Variants in MAP3K7CL observed in about 807,000 individuals in gnomAD.
MAP3K7CL encodes the protein MAP3K7 C-terminal like, also known as MAP3K7 C-terminal-like protein.
In MAP3K7CL, 16 loss-of-function variants were observed where a neutral mutation model predicts 18.6. The observed-to-expected ratio is 0.86, with a 90% CI of 0.58 to 1.31. MAP3K7CL has a LOEUF of 1.31. Among genes scored for constraint, MAP3K7CL ranks in the 50% most tolerant of loss-of-function variants. The probability of loss-of-function intolerance (pLI) is 0.00; values close to 1 mark genes in which losing one functional copy is unlikely to be tolerated. For synonymous variants in MAP3K7CL, 65 were observed against 66.8 expected (o/e 0.97, Z 0.13); for missense variants, 163 against 174.4 (o/e 0.93, Z 0.37).
chr21:29,091,019 T>C (rs1224862356), intron 1 of MAP3K7CL, among the ~76,000 whole-genome samples: 1 of 152,240 alleles, frequency 6.6e-6, no homozygotes, highest in Non-Finnish European at 1.5e-5. Flanking sequence ...TTTTATTGAA[T>C]ATTTTACTTT....
intron 3 of MAP3K7CL, among the ~76,000 whole-genome samples, chr21:29,151,522 C>T (rs575212294): frequency 6.6e-6 from 1 of 152,254 alleles, no homozygotes; most frequent in East Asian, 1.9e-4. Flanking sequence ...TTCTTTTGCA[C>T]CAACCTAATA....
At position 29,174,973 on chromosome 21, in the gene MAP3K7CL, G is replaced by A; in HGVS notation, c.*81G>A. 1 of 1,350,780 alleles carries A rather than the reference G, an allele frequency of 7.4e-7. No homozygotes were observed. The highest frequency in any genetic ancestry group is 1.0e-6 in the Non-Finnish European group (1 of 991,116). The allele number at this position is 1,350,780 out of a possible 1,614,324, so 83.7% of individuals were successfully genotyped here. Reference sequence around the variant, plus strand: ...AAGATTTTTATTTTAAATGAATAGTGAGTCAGATCTATTGCTTCTCTGTAT... The same window carrying A: ...AAGATTTTTATTTTAAATGAATAGTAAGTCAGATCTATTGCTTCTCTGTAT... On this transcript the variant is annotated 3_prime_UTR_variant, in exon 5 of 5. Transcript: ENST00000399928.
intron 3 of MAP3K7CL, among the ~76,000 whole-genome samples, chr21:29,157,005 G>T (rs73193803): frequency 6.6e-6 from 1 of 152,166 alleles, no homozygotes; most frequent in Non-Finnish European, 1.5e-5. Context: ...GCAAAAGATT[G>T]AGTACAAATG....
chr21:29,095,437 A>T (rs1403959273), intron 4 of MAP3K7CL, among the ~76,000 whole-genome samples: 1 of 152,142 alleles, frequency 6.6e-6, no homozygotes, highest in Non-Finnish European at 1.5e-5. Context: ...CCAGGGGGAT[A>T]AGGGGAATGT....
chr21:29,163,290 A>G (rs1457803502), intron 4 of MAP3K7CL, among the ~76,000 whole-genome samples: 2 of 152,096 alleles, frequency 1.3e-5, no homozygotes, highest in South Asian at 2.1e-4. Flanking sequence ...TCCTTCCCCA[A>G]AGTACTTGAA....
intron 4 of MAP3K7CL, among the ~76,000 whole-genome samples, chr21:29,100,661 T>TTA (rs1304266826): frequency 6.6e-6 from 1 of 151,956 alleles, no homozygotes; most frequent in Non-Finnish European, 1.5e-5. Context: ...TATTACGGTG[T>TTA]TACAGATAAC....
chr21:29,125,714 T>G (rs1481786250), upstream of MAP3K7CL, among the ~76,000 whole-genome samples: 3 of 152,176 alleles, frequency 2.0e-5, no homozygotes, highest in Non-Finnish European at 4.4e-5. Context: ...CGAGAAGGTT[T>G]GAGAAGGAGT....
chr21:29,142,576 G>A (rs1218082821), intron 2 of MAP3K7CL, among the ~76,000 whole-genome samples: 3 of 152,124 alleles, frequency 2.0e-5, no homozygotes, highest in African/African-American at 7.2e-5. Flanking sequence ...ATAGACATGG[G>A]TTAGAGGAAA....
At chr21:29,086,820 G>C (rs539246317) in intron 1 of MAP3K7CL, among the ~76,000 whole-genome samples, 11 of 152,024 alleles carry the variant, frequency 7.2e-5, no homozygotes, top group Admixed American at 7.2e-4. Context: ...TGTATGTTAG[G>C]GTTTTATCAT....
chr21:29,146,240 T>C (rs2087126453), intron 2 of MAP3K7CL, among the ~76,000 whole-genome samples: 1 of 152,160 alleles, frequency 6.6e-6, no homozygotes, highest in African/African-American at 2.4e-5. Context: ...TTGTCTATGA[T>C]TATTAGGGTT....
intron 4 of MAP3K7CL, among the ~76,000 whole-genome samples, chr21:29,099,576 A>G (rs1453692625): frequency 6.6e-6 from 1 of 152,164 alleles, no homozygotes; most frequent in Non-Finnish European, 1.5e-5. Context: ...TTTGTTCCAC[A>G]TGTTCCATCT....
chr21:29,130,953 A>C (rs1023212372), intron 1 of MAP3K7CL, 30 bp downstream of exon 1: 28 of 978,250 alleles, frequency 2.9e-5, no homozygotes, highest in Middle Eastern at 5.2e-4. Context: ...AACTGAACTA[A>C]ATGCTCAGAT....
At chr21:29,099,804 C>T (rs915118930) in intron 4 of MAP3K7CL, among the ~76,000 whole-genome samples, 1 of 152,122 alleles carries the variant, frequency 6.6e-6, no homozygotes, top group Non-Finnish European at 1.5e-5. Context: ...AAAAAAGGGG[C>T]CGGGCGCAGT....
exon 1 of MAP3K7CL, chr21:29,085,882 T>C: frequency 6.2e-7 from 1 of 1,614,162 alleles, no homozygotes; most frequent in Non-Finnish European, 8.5e-7. Context: ...GATTGCACCT[T>C]TAGAAGTTAT....
intron 4 of MAP3K7CL, among the ~76,000 whole-genome samples, chr21:29,095,858 A>G (rs2086113477): frequency 6.6e-6 from 1 of 152,266 alleles, no homozygotes; most frequent in Admixed American, 6.5e-5. Flanking sequence ...GGAATTAACA[A>G]TTTCATTTAA....
intron 4 of MAP3K7CL, among the ~76,000 whole-genome samples, chr21:29,123,642 TA>T: frequency 6.6e-6 from 1 of 152,220 alleles, no homozygotes. Flanking sequence ...GGATCTTGAT[TA>T]AAAATTTAAA....
chr21:29,137,772 T>C (rs1167208927), intron 2 of MAP3K7CL, among the ~76,000 whole-genome samples: 5 of 152,092 alleles, frequency 3.3e-5, no homozygotes, highest in African/African-American at 9.7e-5. Flanking sequence ...ACTGTTTAGA[T>C]AGCAATAGAC....
intron 4 of MAP3K7CL, chr21:29,121,976 A>G (rs1259138843): frequency 6.6e-6 from 1 of 152,162 alleles, no homozygotes; most frequent in Non-Finnish European, 1.5e-5. Flanking sequence ...AAGTCCTGCA[A>G]GTACTCAGTC....
chr21:29,090,270 T>C (rs1487321137), intron 1 of MAP3K7CL, among the ~76,000 whole-genome samples: 2 of 152,218 alleles, frequency 1.3e-5, no homozygotes, highest in Non-Finnish European at 2.9e-5. Flanking sequence ...GATTATTCAA[T>C]GAAAGAAGTG....
Sources: gnomAD v4.1 joint callset for allele counts (sites outside exome capture counted in the v4.1 genomes callset) on GRCh38, gnomAD v4.1.1 for gene constraint, MANE v1.5 for transcripts, NCBI Gene and HGNC (gene_info 2026-07-23, HGNC 2026-07-21) for gene names.